Variants in CNTNAP2 observed in about 807,000 individuals in gnomAD.
CNTNAP2 encodes the protein contactin-associated protein-like 2.
In CNTNAP2, 98 loss-of-function variants were observed where a neutral mutation model predicts 155.2. That is an observed-to-expected ratio of 0.63 (90% CI 0.54 to 0.75). The LOEUF (loss-of-function observed/expected upper bound fraction) is 0.75. Ranked by LOEUF, CNTNAP2 falls within the 30% of genes least tolerant of loss-of-function variation. CNTNAP2 has a pLI of 0.00. For synonymous variants in CNTNAP2, 651 were observed against 631.2 expected, an observed-to-expected ratio of 1.03 and a Z score of -0.47; for missense variants, 1,727 against 1,688.1, an observed-to-expected ratio of 1.02 and a Z score of -0.40.
At chr7:147,335,170 C>T (rs552247365) in intron 9 of CNTNAP2, among the ~76,000 whole-genome samples, 1 of 152,246 alleles carries the variant, frequency 6.6e-6, no homozygotes, top group African/African-American at 2.4e-5. Context: ...GTATATTCAT[C>T]AACTCTTGTT....
At chr7:146,446,604 A>T (rs1273742029) in intron 1 of CNTNAP2, among the ~76,000 whole-genome samples, 1 of 152,014 alleles carries the variant, frequency 6.6e-6, no homozygotes, top group Non-Finnish European at 1.5e-5. Context: ...AAAACAAAAC[A>T]TGTGAGACAT....
chr7:147,565,791 C>T (rs899495080), intron 12 of CNTNAP2, among the ~76,000 whole-genome samples: 2 of 139,428 alleles, frequency 1.4e-5, no homozygotes, highest in Non-Finnish European at 3.3e-5. Context: ...CAAGAACTTA[C>T]TTTTGACCTA....
At position 146,313,313 on chromosome 7, in the gene CNTNAP2, G is replaced by A. The variant is rs148814342; in HGVS notation, c.97+196340G>A. 1.0e-3 allele frequency among the ~76,000 whole-genome samples: 156 copies of A among 152,288 alleles called. 1 individual carries two copies. The highest frequency in any genetic ancestry group is 3.6e-3 in the African/African-American group (151 of 41,578). On this transcript the variant is annotated intron_variant, in intron 1 of 23. Coordinates refer to ENST00000361727, the MANE Select transcript of CNTNAP2 (RefSeq NM_014141.6). The stretch of plus-strand genomic sequence containing the variant: ...TTGCATTTCTCTGATGATTGGAGAT[G>A]TGGAGCAGTTTTTCATATATCTATT...
At chr7:146,160,245 A>T (rs10238947) in intron 1 of CNTNAP2, among the ~76,000 whole-genome samples, 1 of 152,132 alleles carries the variant, frequency 6.6e-6, no homozygotes, top group African/African-American at 2.4e-5. Flanking sequence ...AAGCAGGAAA[A>T]ATCTAAAATT....
intron 18 of CNTNAP2, among the ~76,000 whole-genome samples, chr7:148,196,499 T>G (rs927838728): frequency 6.6e-6 from 1 of 152,076 alleles, no homozygotes; most frequent in African/African-American, 2.4e-5. Context: ...AGGCACAGAA[T>G]AGTAACTGGC....
At chr7:147,703,210 A>G (rs2117006782) in intron 13 of CNTNAP2, among the ~76,000 whole-genome samples, 1 of 152,184 alleles carries the variant, frequency 6.6e-6, no homozygotes, top group African/African-American at 2.4e-5. Flanking sequence ...TAATTCCCAG[A>G]TCACTCTAAT....
chr7:147,944,316 T>C (rs1800781218), intron 14 of CNTNAP2, among the ~76,000 whole-genome samples: 1 of 152,240 alleles, frequency 6.6e-6, no homozygotes, highest in Non-Finnish European at 1.5e-5. Context: ...AAATACCGTC[T>C]TTTAAAACAT....
chr7:147,619,626 G>T (rs1390660654), intron 12 of CNTNAP2, among the ~76,000 whole-genome samples: 1 of 152,236 alleles, frequency 6.6e-6, no homozygotes, highest in Admixed American at 6.5e-5. Context: ...GGGAAGTGCT[G>T]CATCTTGTGG....
intron 3 of CNTNAP2, among the ~76,000 whole-genome samples, chr7:146,851,650 CTGTGTG>C (rs71165041): frequency 0.046 from 6,102 of 133,008 alleles, 189 homozygotes; most frequent in African/African-American, 0.078. Flanking sequence ...CATCTTTCTT[CTGTGTG>C]TGTGTGTGTG....
chr7:148,157,571 CA>C lies in CNTNAP2; in HGVS notation c.2773+9877del, dbSNP rs60716582. ...TCAAGCATGACAGAAGCAGAAGCAGCAAAAAAAAAAAAAAAGTCACAGAGAA... is the reference window on the plus strand; with the variant it reads ...TCAAGCATGACAGAAGCAGAAGCAGCAAAAAAAAAAAAAAGTCACAGAGAA... On this transcript the variant is annotated intron_variant, in intron 17 of 23. Transcript: ENST00000361727. 2.3e-3 allele frequency among the ~76,000 whole-genome samples: 252 copies of C among 111,050 alleles called. 1 individual carries two copies. Among genetic ancestry groups the C allele is most frequent in the Admixed American group, 2.2e-3 (23 of 10,486 alleles). The allele number at this position is 111,050 out of a possible 152,430, so 72.9% of individuals were successfully genotyped here.
Position 147,578,535 on chromosome 7 carries a change from G to C in CNTNAP2, c.1897+16278G>C, listed in dbSNP as rs943749590. Among the ~76,000 whole-genome samples, 10 of 152,100 alleles carry C rather than the reference G, an allele frequency of 6.6e-5. 1 individual carries two copies. The South Asian group carries it at 2.1e-3, about 32-fold the overall frequency. On this transcript the variant is annotated intron_variant, in intron 12 of 23. Coordinates refer to ENST00000361727, the MANE Select transcript of CNTNAP2 (RefSeq NM_014141.6). ...AATAAGAATATAGTGTTCAAAAGCA[G>C]GTCTACATGCAAAGGGTTTCTTTAA... is the stretch of plus-strand genomic sequence containing the variant.
intron 14 of CNTNAP2, among the ~76,000 whole-genome samples, chr7:147,925,152 A>AAG (rs1563137141): frequency 2.2e-3 from 240 of 107,428 alleles, no homozygotes; most frequent in African/African-American, 5.9e-3. Flanking sequence ...AGAGAGAGAG[A>AAG]GAGAAGGAAG....
intron 1 of CNTNAP2, among the ~76,000 whole-genome samples, chr7:146,688,358 A>G (rs1217129373): frequency 6.6e-6 from 1 of 152,090 alleles, no homozygotes; most frequent in Non-Finnish European, 1.5e-5. Flanking sequence ...ATGTGAAGCG[A>G]CCACCACACA....
intron 1 of CNTNAP2, among the ~76,000 whole-genome samples, chr7:146,204,358 G>C (rs1798914034): frequency 6.6e-6 from 1 of 152,108 alleles, no homozygotes; most frequent in African/African-American, 2.4e-5. Context: ...GTAATCAGAG[G>C]AAAGAGTATA....
chr7:146,195,532 G>T (rs985782241), intron 1 of CNTNAP2, among the ~76,000 whole-genome samples: 1 of 152,184 alleles, frequency 6.6e-6, no homozygotes, highest in Non-Finnish European at 1.5e-5. Context: ...TACTGCCAAT[G>T]ATATTTAAAA....
At chr7:146,357,535 C>T (rs117643329) in intron 1 of CNTNAP2, among the ~76,000 whole-genome samples, 61 of 152,220 alleles carry the variant, frequency 4.0e-4, no homozygotes, top group Non-Finnish European at 8.1e-4. Flanking sequence ...GGGAAGCTCT[C>T]GTTCACTGGC....
chr7:147,842,152 C>T (rs974604815), intron 13 of CNTNAP2, among the ~76,000 whole-genome samples: 9 of 152,224 alleles, frequency 5.9e-5, no homozygotes, highest in African/African-American at 1.9e-4. Context: ...AAACTAGATA[C>T]ATGATTATTC....
At chr7:146,369,409 G>A (rs1358039186) in intron 1 of CNTNAP2, among the ~76,000 whole-genome samples, 2 of 152,142 alleles carry the variant, frequency 1.3e-5, no homozygotes, top group African/African-American at 2.4e-5. Context: ...TACATCTATG[G>A]GATATGTTCT....
intron 1 of CNTNAP2, among the ~76,000 whole-genome samples, chr7:146,143,648 C>T (rs1055741997): frequency 2.0e-5 from 3 of 152,036 alleles, no homozygotes; most frequent in African/African-American, 4.8e-5. Flanking sequence ...ATCTACTCTC[C>T]TAAATAGATT....
Sources: allele counts gnomAD v4.1 joint callset (sites outside exome capture counted in the v4.1 genomes callset), GRCh38; gene constraint gnomAD v4.1.1; transcripts MANE v1.5; gene names NCBI Gene and HGNC (gene_info 2026-07-23, HGNC 2026-07-21).